Variants in DGKI observed in about 807,000 individuals in gnomAD.
DGKI encodes diacylglycerol kinase iota.
Under a neutral mutation model 147.5 loss-of-function variants are expected in DGKI, and 55 were observed. That is an observed-to-expected ratio of 0.37 (90% CI 0.30 to 0.47). DGKI has a LOEUF of 0.47. DGKI is among the 20% of genes least tolerant of loss of function. The pLI is 1.00. For missense variants in DGKI, 1,007 were observed against 1,323.8 expected (o/e 0.76, Z 3.71); for synonymous variants, 469 against 477.1 (o/e 0.98, Z 0.22).
In DGKI at chr7:137,548,785, TG is replaced by T. The variant is rs1020080149; in HGVS notation, c.2147+3583del. Among the ~76,000 whole-genome samples, 172 of 152,216 alleles carry T rather than the reference TG, an allele frequency of 1.1e-3. 5 individuals are homozygous for T. The highest frequency in any genetic ancestry group is 0.011 in the Admixed American group (169 of 15,288). ...GACTTCGAGACCAGCCTGAGCAACA[TG>T]GGGAAACCCTGTCTCTACCAAAAAT... On this transcript the variant is annotated intron_variant, in intron 20 of 32. Coordinates refer to ENST00000614521, the MANE Select transcript of DGKI (RefSeq NM_001321708.2).
At chr7:137,616,178 T>A (rs1820525166) in intron 8 of DGKI, among the ~76,000 whole-genome samples, 2 of 152,192 alleles carry the variant, frequency 1.3e-5, no homozygotes, top group African/African-American at 2.4e-5. Context: ...CATCTCAAAC[T>A]ATTTAATAAC....
At chr7:137,413,904 T>C (rs928110812) in intron 28 of DGKI, among the ~76,000 whole-genome samples, 1 of 152,208 alleles carries the variant, frequency 6.6e-6, no homozygotes, top group African/African-American at 2.4e-5. Flanking sequence ...CTAACAACAG[T>C]GTATAAGCAT....
At chr7:137,713,845 C>T (rs1383485605) in intron 1 of DGKI, among the ~76,000 whole-genome samples, 1 of 152,110 alleles carries the variant, frequency 6.6e-6, no homozygotes, top group Non-Finnish European at 1.5e-5. Context: ...CACTATGTTG[C>T]CCAGGTTGGT....
intron 23 of DGKI, among the ~76,000 whole-genome samples, chr7:137,477,188 C>A (rs759856008): frequency 6.6e-5 from 10 of 152,134 alleles, no homozygotes; most frequent in Non-Finnish European, 1.3e-4. Context: ...TTCCCTGCTG[C>A]CTAAGAATTC....
chr7:137,829,049 C>T (rs1378521031), intron 1 of DGKI, among the ~76,000 whole-genome samples: 1 of 152,152 alleles, frequency 6.6e-6, no homozygotes, highest in East Asian at 1.9e-4. Context: ...TTTATTCTAC[C>T]TCCAAGTGCA....
intron 1 of DGKI, among the ~76,000 whole-genome samples, chr7:137,801,265 T>C (rs1346147057): frequency 2.6e-5 from 4 of 152,152 alleles, no homozygotes; most frequent in South Asian, 2.1e-4. Context: ...TCAAATATTA[T>C]ACTTTCTTGC....
chr7:137,458,097 T>C (rs1468935679), intron 27 of DGKI, among the ~76,000 whole-genome samples: 2 of 152,234 alleles, frequency 1.3e-5, no homozygotes, highest in East Asian at 3.8e-4. Flanking sequence ...CTTCAGTGCC[T>C]GACTTCAGTC....
chr7:137,483,143 T>C (rs1301698264), intron 23 of DGKI, among the ~76,000 whole-genome samples: 1 of 152,084 alleles, frequency 6.6e-6, no homozygotes, highest in Non-Finnish European at 1.5e-5. Flanking sequence ...ATCTTATCCA[T>C]CCGTTGATCT....
At position 137,678,546 on chromosome 7, in the gene DGKI, C is replaced by A. The variant is rs764831520; in HGVS notation, c.606+11G>T. 5 of 1,613,374 alleles carry A rather than the reference C, an allele frequency of 3.1e-6. No homozygotes were observed. Among genetic ancestry groups the A allele is most frequent in the Non-Finnish European group, 4.2e-6 (5 of 1,179,332 alleles). On this transcript the variant is annotated intron_variant, in intron 3 of 32. Coordinates refer to ENST00000614521, the MANE Select transcript of DGKI (RefSeq NM_001321708.2). ...CAGGCCTTCCCCCAGCAAGACGGAGCGCACACTCACTGCAAATCTGACTTG... is the reference window on the plus strand; with the variant it reads ...CAGGCCTTCCCCCAGCAAGACGGAGAGCACACTCACTGCAAATCTGACTTG...
At position 137,458,556 on chromosome 7, in the gene DGKI, T is replaced by C. The variant is rs192053486; in HGVS notation, c.2735+4933A>G. 3.1e-3 allele frequency among the ~76,000 whole-genome samples: 476 copies of C among 152,290 alleles called. 6 individuals carry two copies. Among genetic ancestry groups the C allele is most frequent in the African/African-American group, 0.011 (454 of 41,566 alleles). ...TACTCTGATTCAGAAACAAAAGCAG[T>C]GTCTCCTAGACCCTTTACCTGCCTG... On this transcript the variant is annotated intron_variant, in intron 27 of 32. Transcript: ENST00000614521.
chr7:137,522,232 A>AT (rs879900844), intron 20 of DGKI, among the ~76,000 whole-genome samples: 2 of 152,096 alleles, frequency 1.3e-5, no homozygotes, highest in Non-Finnish European at 2.9e-5. Context: ...TTTTCTATTG[A>AT]TTTTTTAAAA....
At chr7:137,732,820 C>T (rs1794921624) in intron 1 of DGKI, among the ~76,000 whole-genome samples, 1 of 151,966 alleles carries the variant, frequency 6.6e-6, no homozygotes, top group African/African-American at 2.4e-5. Context: ...CTCCACAACA[C>T]ACATACATAC....
At chr7:137,455,462 A>G (rs1814155496) in intron 27 of DGKI, among the ~76,000 whole-genome samples, 1 of 152,246 alleles carries the variant, frequency 6.6e-6, no homozygotes, top group South Asian at 2.1e-4. Flanking sequence ...ACTTAACTCT[A>G]TTCCAAGAGC....
Position 137,722,302 on chromosome 7 carries a change from G to C in DGKI, c.402-32300C>G, listed in dbSNP as rs572083957. ...TGGTGACAAGAACGGCAGTACCCGGGTGGTTAAACTTCGCAAAATGCCTAG... is the reference window on the plus strand; with the variant it reads ...TGGTGACAAGAACGGCAGTACCCGGCTGGTTAAACTTCGCAAAATGCCTAG... On this transcript the variant is annotated intron_variant, in intron 1 of 32. Coordinates refer to ENST00000614521, the MANE Select transcript of DGKI (RefSeq NM_001321708.2). 51 of 1,612,514 alleles carry C rather than the reference G, an allele frequency of 3.2e-5. No homozygotes were observed. In the African/African-American group the frequency reaches 6.3e-4, roughly 20 times the overall value.
chr7:137,727,205 G>A (rs889458956), intron 1 of DGKI, among the ~76,000 whole-genome samples: 2 of 152,076 alleles, frequency 1.3e-5, no homozygotes, highest in African/African-American at 2.4e-5. Context: ...AAAGGGGACA[G>A]GAATTACCAG....
chr7:137,617,618 G>T (rs116630934), intron 8 of DGKI, among the ~76,000 whole-genome samples: 1,535 of 152,072 alleles, frequency 0.01, 21 homozygotes, highest in African/African-American at 0.036. Context: ...AGGAAGATGG[G>T]GTAGATGGGG....
At chr7:137,638,707 CAT>C (rs1385563328) in intron 6 of DGKI, among the ~76,000 whole-genome samples, 2 of 141,574 alleles carry the variant, frequency 1.4e-5, no homozygotes, top group African/African-American at 2.6e-5. Flanking sequence ...TATGTACGCA[CAT>C]AGATATACAT....
At chr7:137,775,962 G>A (rs527347732) in intron 1 of DGKI, among the ~76,000 whole-genome samples, 11 of 151,866 alleles carry the variant, frequency 7.2e-5, no homozygotes, top group African/African-American at 2.4e-4. Flanking sequence ...GGGTTCAAGC[G>A]ATTCTCCTGC....
intron 1 of DGKI, among the ~76,000 whole-genome samples, chr7:137,783,212 T>C (rs569722369): frequency 6.6e-6 from 1 of 152,246 alleles, no homozygotes; most frequent in Non-Finnish European, 1.5e-5. Context: ...GTAGTCCAAC[T>C]TAAACAAATC....
Sources: gnomAD v4.1 joint callset for allele counts (sites outside exome capture counted in the v4.1 genomes callset) on GRCh38, gnomAD v4.1.1 for gene constraint, MANE v1.5 for transcripts, NCBI Gene and HGNC (gene_info 2026-07-23, HGNC 2026-07-21) for gene names.